MIB1: variants seen among roughly 807,000 people sequenced by gnomAD.
MIB1 encodes MIB E3 ubiquitin protein ligase 1, also known as E3 ubiquitin-protein ligase MIB1.
In MIB1, 278 loss-of-function variants were observed where a neutral mutation model predicts 124.5. The observed-to-expected ratio is 2.23, with a 90% confidence interval of 2.02 to 2.47. The LOEUF (loss-of-function observed/expected upper bound fraction) is 2.47. Among genes scored for constraint, MIB1 ranks in the 30% most tolerant of loss-of-function variants. The pLI is 0.00. For synonymous variants in MIB1, 446 were observed against 429.4 expected, an observed-to-expected ratio of 1.04 and a Z score of -0.48; for missense variants, 957 against 1,254.4, an observed-to-expected ratio of 0.76 and a Z score of 3.58.
At chr18:21,731,373 T>A (rs928408699) in intron 1 of MIB1, among the ~76,000 whole-genome samples, 2 of 152,232 alleles carry the variant, frequency 1.3e-5, no homozygotes, top group East Asian at 3.8e-4. Flanking sequence ...TGTATGACTA[T>A]ACTGCAAGAT....
At chr18:21,799,517 G>A (rs2041625939) in intron 8 of MIB1, among the ~76,000 whole-genome samples, 1 of 151,964 alleles carries the variant, frequency 6.6e-6, no homozygotes, top group Non-Finnish European at 1.5e-5. Context: ...TTGTATCATT[G>A]TGGTACTCCC....
intron 13 of MIB1, among the ~76,000 whole-genome samples, chr18:21,839,603 C>T (rs1468190132): frequency 6.6e-6 from 1 of 152,164 alleles, no homozygotes; most frequent in East Asian, 1.9e-4. Flanking sequence ...CTCCCAGGCT[C>T]AAGCAGTCCT....
chr18:21,726,647 A>G (rs2040743395), intron 1 of MIB1, among the ~76,000 whole-genome samples: 1 of 152,114 alleles, frequency 6.6e-6, no homozygotes, highest in South Asian at 2.1e-4. Flanking sequence ...CTATTGTGTA[A>G]CCTTGACCAA....
At chr18:21,859,842 T>TCC (rs2042259325) in intron 20 of MIB1, among the ~76,000 whole-genome samples, 1 of 121,142 alleles carries the variant, frequency 8.3e-6, no homozygotes, top group African/African-American at 3.3e-5. Flanking sequence ...TGAGCCGAGA[T>TCC]CATGCCACTG....
intron 4 of MIB1, among the ~76,000 whole-genome samples, chr18:21,777,445 A>G (rs866342136): frequency 6.6e-6 from 1 of 152,208 alleles, no homozygotes; most frequent in African/African-American, 2.4e-5. Flanking sequence ...CACATTTCCA[A>G]TAATAGATAT....
Position 21,799,957 on chromosome 18 carries a change from A to T in MIB1, c.1354A>T (p.Lys452Ter). 1 of 1,611,748 alleles carries T rather than the reference A, an allele frequency of 6.2e-7. No homozygotes were observed. The highest frequency in any genetic ancestry group is 8.5e-7 in the Non-Finnish European group (1 of 1,178,426). The change falls in exon 9 of 21, where the codon AAA becomes TAA. Residue 452 changes from lysine (K) to a stop codon, truncating the protein, a stop_gained. Transcript: ENST00000261537. LOFTEE classifies it high-confidence loss of function. ...TGTTGCTAAAGTGGAAGATTTGCTT[A>T]AAAGACCAGATGTGGATGTGAGCAT... ...GDVAKVEDLL[K>*]RPDVDVNGQC... is the part of the protein sequence containing the mutation.
chr18:21,854,201 C>G (rs1210389880), intron 18 of MIB1, among the ~76,000 whole-genome samples: 1 of 152,092 alleles, frequency 6.6e-6, no homozygotes, highest in Admixed American at 6.6e-5. Flanking sequence ...AAAAAGGACT[C>G]AGGTTACTTA....
chr18:21,808,367 C>T (rs949827656), intron 10 of MIB1, among the ~76,000 whole-genome samples: 4 of 152,148 alleles, frequency 2.6e-5, no homozygotes, highest in African/African-American at 9.7e-5. Flanking sequence ...CATTTATTTA[C>T]TGTCTGTGGC....
intron 8 of MIB1, 55 bp from the exon 9 acceptor site, chr18:21,799,786 A>G: frequency 6.6e-7 from 1 of 1,518,700 alleles, no homozygotes; most frequent in South Asian, 1.3e-5. Flanking sequence ...CTTGTTTCTT[A>G]GTAGTTAAGG....
chr18:21,759,013 T>A (rs1323695724), intron 1 of MIB1, among the ~76,000 whole-genome samples: 2 of 152,056 alleles, frequency 1.3e-5, no homozygotes, highest in African/African-American at 4.8e-5. Flanking sequence ...TAACTGGGAA[T>A]CCATCTAGAA....
intron 7 of MIB1, among the ~76,000 whole-genome samples, chr18:21,796,564 T>G (rs552602610): frequency 2.0e-4 from 31 of 152,126 alleles, no homozygotes; most frequent in Admixed American, 9.8e-4. Flanking sequence ...AAAGTAAAAT[T>G]AAAACAAAAC....
At chr18:21,756,516 G>A (rs1174288622) in intron 1 of MIB1, among the ~76,000 whole-genome samples, 1 of 152,018 alleles carries the variant, frequency 6.6e-6, no homozygotes, top group African/African-American at 2.4e-5. Context: ...CCAGGCTGGA[G>A]TGCGGTGGTG....
rs1402152594 is a variant in MIB1, at chr18:21,779,671, T to G, written c.894T>G (p.Tyr298Ter). 1.9e-6 allele frequency: 3 copies of G among 1,613,706 alleles called. No homozygotes were observed. The highest frequency in any genetic ancestry group is 2.5e-6 in the Non-Finnish European group (3 of 1,179,618). ...AAGATCATGACATTGTAGTACAGTA[T>G]CCAAGTGGCAATAGGTGGGTGATAT... ...IDEDHDIVVQ[Y>*]PSGNRWTFNP... The change falls in exon 6 of 21, where the codon TAT becomes TAG. Residue 298 changes from tyrosine (Y) to a stop codon, truncating the protein, a stop_gained. Coordinates refer to ENST00000261537, the MANE Select transcript of MIB1 (RefSeq NM_020774.4). LOFTEE classifies it high-confidence loss of function.
At chr18:21,771,766 G>A (rs541378220) in intron 3 of MIB1, among the ~76,000 whole-genome samples, 1 of 152,052 alleles carries the variant, frequency 6.6e-6, no homozygotes, top group East Asian at 1.9e-4. Context: ...GGAGGCTGAG[G>A]TAGGCAGATC....
intron 1 of MIB1, among the ~76,000 whole-genome samples, chr18:21,758,821 C>G (rs1212841622): frequency 6.6e-6 from 1 of 152,182 alleles, no homozygotes. Context: ...GCATGAGCCA[C>G]CGCGCCCAGC....
rs1487274738 is a variant in MIB1, at chr18:21,803,997, G to A, written c.1462G>A (p.Val488Met). The A allele has an allele frequency of 2.5e-6, 4 of 1,612,772 alleles. No individual in the cohort carries two copies. The highest frequency in any genetic ancestry group is 1.7e-5 in the Admixed American group (1 of 59,998). The change falls in exon 10 of 21, where the codon GTG becomes ATG. Residue 488 changes from valine (V) to methionine (M), a missense_variant. Coordinates refer to ENST00000261537, the MANE Select transcript of MIB1 (RefSeq NM_020774.4). The part of the protein sequence containing the change: ...DILKLLLKQN[V>M]DVEAEDKDGD... The stretch of plus-strand genomic sequence containing the variant: ...TTTGAAGTTACTTTTGAAGCAAAAC[G>A]TGGATGTCGAAGCAGAGGTAAGTAA...
chr18:21,819,428 G>A (rs1262540967), intron 11 of MIB1, 67 bp from the exon 12 acceptor site: 2 of 949,474 alleles, frequency 2.1e-6, no homozygotes, highest in East Asian at 2.6e-5. Flanking sequence ...TTAGCATTTG[G>A]TGTAAGTATT....
intron 1 of MIB1, among the ~76,000 whole-genome samples, chr18:21,751,786 C>A (rs1287070538): frequency 6.6e-6 from 1 of 151,992 alleles, no homozygotes; most frequent in African/African-American, 2.4e-5. Flanking sequence ...TCTCTCTCAC[C>A]CCTAAACCTG....
rs2042086375 is a variant in MIB1 at position 21,841,237 on chromosome 18, G to A, written c.1963-1894G>A. Among the ~76,000 whole-genome samples, 5 of 152,080 alleles carry A rather than the reference G, an allele frequency of 3.3e-5. No individual in the cohort carries two copies. The South Asian group carries it at 1.0e-3, about 32-fold the overall frequency. ...AAAAATTAGCCAGGCGTGGTGGCAC[G>A]CACCTGTAGTCCCCAGCTACTCAGG... On this transcript the variant is annotated intron_variant, in intron 13 of 20. Coordinates refer to ENST00000261537, the MANE Select transcript of MIB1 (RefSeq NM_020774.4).
Sources: allele counts gnomAD v4.1 joint callset (sites outside exome capture counted in the v4.1 genomes callset), GRCh38; gene constraint gnomAD v4.1.1; transcripts MANE v1.5; gene names NCBI Gene and HGNC (gene_info 2026-07-23, HGNC 2026-07-21).